UBE3D: variants seen among roughly 807,000 people sequenced by gnomAD.
The protein encoded by UBE3D is ubiquitin protein ligase E3D, also known as E3 ubiquitin-protein ligase E3D.
A neutral mutation model predicts 49.6 loss-of-function variants in UBE3D; 48 were observed. The ratio of observed to expected loss-of-function variants is 0.97; its 90% CI spans 0.77 to 1.23. The LOEUF (loss-of-function observed/expected upper bound fraction) is 1.23. Ranked by LOEUF, UBE3D falls within the 50% of genes most tolerant of loss-of-function variation. UBE3D has a pLI of 0.00. For synonymous variants in UBE3D, 189 were observed against 174.2 expected (o/e 1.08, Z -0.67); for missense variants, 452 against 468.4 (o/e 0.96, Z 0.32).
In UBE3D at chr6:82,939,371, A is replaced by T. The variant is rs560694884; in HGVS notation, c.1149+17941T>A. ...ATTGTTTTGCTAATGAAAAACCCAT[A>T]CCACATCGTCTATCGTGGGTACATA... On this transcript the variant is annotated intron_variant, in intron 9 of 9. Transcript: ENST00000369747. Among the ~76,000 whole-genome samples the T allele has an allele frequency of 1.3e-3, 193 of 152,328 alleles. 1 individual carries two copies. The highest frequency in any genetic ancestry group is 2.2e-3 in the Non-Finnish European group (153 of 68,032).
At chr6:83,041,773 G>T (rs1782687063) in intron 4 of UBE3D, among the ~76,000 whole-genome samples, 1 of 152,062 alleles carries the variant, frequency 6.6e-6, no homozygotes, top group African/African-American at 2.4e-5. Flanking sequence ...AGAAAAAAAG[G>T]TAAAGATGTT....
chr6:82,886,095 C>T, the UBE3D span, among the ~76,000 whole-genome samples: 1 of 152,322 alleles, frequency 6.6e-6, no homozygotes, highest in East Asian at 1.9e-4. Flanking sequence ...ACAAAGCAAT[C>T]TCTAATGACA....
intron 8 of UBE3D, among the ~76,000 whole-genome samples, chr6:83,011,955 C>T (rs1025134605): frequency 1.3e-5 from 2 of 152,148 alleles, no homozygotes; most frequent in Non-Finnish European, 2.9e-5. Context: ...ACACGGCCTT[C>T]TGGAGAACTT....
rs533959025 is a variant in UBE3D, at chr6:82,894,375, C to G, written c.1150-1333G>C. Among the ~76,000 whole-genome samples the G allele has an allele frequency of 5.3e-5, 8 of 152,218 alleles. No homozygotes were observed. In the East Asian group the frequency reaches 1.5e-3, roughly 29 times the overall value. ...GGCCCAAGGAACATCCTATGACATC[C>G]CACTGGAAAAAGGGCCAAACCGCCT... On this transcript the variant is annotated intron_variant, in intron 9 of 9. Coordinates refer to ENST00000369747, the MANE Select transcript of UBE3D (RefSeq NM_198920.3).
intron 9 of UBE3D, among the ~76,000 whole-genome samples, chr6:82,909,401 A>G (rs753457781): frequency 1.2e-4 from 18 of 152,162 alleles, no homozygotes; most frequent in Non-Finnish European, 2.5e-4. Flanking sequence ...AACACTTACA[A>G]TGGTACCCAG....
chr6:82,918,548 C>T (rs1450550649), intron 9 of UBE3D, among the ~76,000 whole-genome samples: 2 of 151,944 alleles, frequency 1.3e-5, no homozygotes, highest in Non-Finnish European at 2.9e-5. Context: ...ATCAAAATAC[C>T]ATGGAAAATA....
chr6:82,992,244 A>G (rs1455135240), intron 8 of UBE3D, among the ~76,000 whole-genome samples: 4 of 106,594 alleles, frequency 3.8e-5, no homozygotes, highest in Non-Finnish European at 7.0e-5. Flanking sequence ...TTTTTTTGAG[A>G]TGGAGTCTCG....
At chr6:83,007,602 T>C (rs1331747649) in intron 8 of UBE3D, among the ~76,000 whole-genome samples, 1 of 152,244 alleles carries the variant, frequency 6.6e-6, no homozygotes, top group Non-Finnish European at 1.5e-5. Context: ...ATATTTTTTG[T>C]CACTTATTCT....
intron 5 of UBE3D, among the ~76,000 whole-genome samples, chr6:83,029,287 G>A (rs1166000381): frequency 6.6e-6 from 1 of 151,876 alleles, no homozygotes; most frequent in Non-Finnish European, 1.5e-5. Context: ...TGGAAGTTCT[G>A]TTCATTTTGT....
At chr6:82,992,207 T>C (rs1460809081) in intron 8 of UBE3D, among the ~76,000 whole-genome samples, 1 of 149,346 alleles carries the variant, frequency 6.7e-6, no homozygotes, top group Non-Finnish European at 1.5e-5. Flanking sequence ...TTTAAAGACA[T>C]CTGCATTCCT....
intron 8 of UBE3D, among the ~76,000 whole-genome samples, chr6:82,986,545 GT>G (rs1473826104): frequency 7.9e-6 from 1 of 126,584 alleles, no homozygotes; most frequent in East Asian, 2.5e-4. Flanking sequence ...CCTCATACAT[GT>G]TTTTTACACC....
At chr6:83,054,364 A>C (rs1369619264) in intron 2 of UBE3D, 126 bp from the exon 3 acceptor site, 2 of 668,106 alleles carry the variant, frequency 3.0e-6, no homozygotes, top group Non-Finnish European at 5.2e-6. Flanking sequence ...AGAAGTACAC[A>C]TTTAATTAAT....
intron 5 of UBE3D, among the ~76,000 whole-genome samples, chr6:83,030,517 C>A (rs1781791909): frequency 6.6e-6 from 1 of 152,146 alleles, no homozygotes; most frequent in South Asian, 2.1e-4. Flanking sequence ...AACTGTGGGT[C>A]CATTAAACCT....
At chr6:83,060,420 T>C (rs1200800977) in intron 1 of UBE3D, among the ~76,000 whole-genome samples, 2 of 152,160 alleles carry the variant, frequency 1.3e-5, no homozygotes, top group Admixed American at 6.5e-5. Flanking sequence ...CTGTGTGAAG[T>C]CATGGTTTTC....
chr6:82,989,805 G>A (rs996235275), intron 8 of UBE3D, among the ~76,000 whole-genome samples: 31 of 152,096 alleles, frequency 2.0e-4, no homozygotes, highest in African/African-American at 7.2e-4. Flanking sequence ...TTACTTATAT[G>A]TAAGCCCTGC....
intron 9 of UBE3D, among the ~76,000 whole-genome samples, chr6:82,955,040 G>A (rs1472963813): frequency 6.6e-6 from 1 of 152,148 alleles, no homozygotes; most frequent in Admixed American, 6.5e-5. Context: ...ATAGAAAAGG[G>A]CATTGAGTAA....
intron 9 of UBE3D, among the ~76,000 whole-genome samples, chr6:82,955,808 T>C (rs1020311198): frequency 2.0e-5 from 3 of 152,176 alleles, no homozygotes; most frequent in African/African-American, 7.2e-5. Context: ...TCCAGTTTGG[T>C]CTCTGACCCA....
chr6:82,983,083 TC>T (rs1338487663), intron 8 of UBE3D, among the ~76,000 whole-genome samples: 1 of 151,604 alleles, frequency 6.6e-6, no homozygotes, highest in Non-Finnish European at 1.5e-5. Context: ...ACTCCTGGGC[TC>T]AAGTGATCCT....
At chr6:82,891,155 C>A (rs796518855), downstream of UBE3D, among the ~76,000 whole-genome samples, 1 of 152,182 alleles carries the variant, frequency 6.6e-6, no homozygotes, top group South Asian at 2.1e-4. Flanking sequence ...AGACAGTCAC[C>A]AAATCTTGTT....
Sources: allele counts gnomAD v4.1 joint callset (sites outside exome capture counted in the v4.1 genomes callset), GRCh38; gene constraint gnomAD v4.1.1; transcripts MANE v1.5; gene names NCBI Gene and HGNC (gene_info 2026-07-23, HGNC 2026-07-21).